Variants in STXBP5L observed in about 807,000 individuals in gnomAD.
STXBP5L encodes syntaxin-binding protein 5-like.
In STXBP5L, 65 loss-of-function variants were observed where a neutral mutation model predicts 144.5. The observed-to-expected ratio is 0.45, with a 90% CI of 0.37 to 0.55. The LOEUF (loss-of-function observed/expected upper bound fraction) is 0.55, where lower values mean the gene tolerates loss of function less well. Ranked by LOEUF, STXBP5L falls within the 20% of genes least tolerant of loss-of-function variation. The pLI, the probability that STXBP5L is intolerant of heterozygous loss-of-function variation, is 0.00. For missense variants in STXBP5L, 1,298 were observed against 1,405.5 expected (o/e 0.92, Z 1.22); for synonymous variants, 505 against 469.6 (o/e 1.08, Z -0.97).
At chr3:120,925,957 C>G (rs1709602417) in intron 2 of STXBP5L, among the ~76,000 whole-genome samples, 1 of 152,110 alleles carries the variant, frequency 6.6e-6, no homozygotes, top group Non-Finnish European at 1.5e-5. Flanking sequence ...TATACTTTAA[C>G]TCCCTCTTCC....
intron 3 of STXBP5L, among the ~76,000 whole-genome samples, chr3:120,994,267 G>T: frequency 6.6e-6 from 1 of 151,846 alleles, no homozygotes; most frequent in East Asian, 1.9e-4. Flanking sequence ...TTCTAATTTG[G>T]ATGCCTTTTA....
At chr3:121,402,260 G>A (rs914389070) in intron 22 of STXBP5L, among the ~76,000 whole-genome samples, 1 of 152,156 alleles carries the variant, frequency 6.6e-6, no homozygotes, top group Non-Finnish European at 1.5e-5. Context: ...CGAAGTTTCT[G>A]TCCTCAAAGA....
chr3:121,307,017 C>A (rs938823050), intron 19 of STXBP5L, among the ~76,000 whole-genome samples: 12 of 152,114 alleles, frequency 7.9e-5, no homozygotes, highest in Non-Finnish European at 5.9e-5. Flanking sequence ...TAAAGAGAAT[C>A]CTGCTAAAAT....
intron 5 of STXBP5L, among the ~76,000 whole-genome samples, chr3:121,077,490 T>G (rs1466947221): frequency 6.6e-6 from 1 of 152,134 alleles, no homozygotes; most frequent in Non-Finnish European, 1.5e-5. Flanking sequence ...GTGTTACAGC[T>G]CATAAAGGCA....
chr3:121,050,955 CTT>C (rs1947930879), intron 5 of STXBP5L, among the ~76,000 whole-genome samples: 2 of 152,106 alleles, frequency 1.3e-5, no homozygotes, highest in Non-Finnish European at 2.9e-5. Context: ...ATAAAACAGA[CTT>C]TAAACCAACA....
At chr3:121,382,478 C>T (rs938023287) in intron 22 of STXBP5L, among the ~76,000 whole-genome samples, 3 of 151,956 alleles carry the variant, frequency 2.0e-5, no homozygotes, top group African/African-American at 7.2e-5. Context: ...AAGAAATATA[C>T]ACAATTCTTT....
At chr3:121,084,812 C>G (rs756831105) in intron 5 of STXBP5L, among the ~76,000 whole-genome samples, 1 of 152,180 alleles carries the variant, frequency 6.6e-6, no homozygotes, top group Non-Finnish European at 1.5e-5. Flanking sequence ...AATGGTTGAA[C>G]TAATTTACAT....
Position 121,299,911 on chromosome 3 carries a change from C to G in STXBP5L, c.2111-18564C>G, listed in dbSNP as rs546183457. Among the ~76,000 whole-genome samples the G allele has an allele frequency of 4.2e-5, 6 of 143,846 alleles. No individual in the cohort carries two copies. In the East Asian group the frequency reaches 1.3e-3, roughly 30 times the overall value. The allele number at this position is 143,846 out of a possible 152,430, so 94.4% of individuals were successfully genotyped here. On this transcript the variant is annotated intron_variant, in intron 19 of 26. Transcript: ENST00000471454. ...TTGGAGGATTGCTTGAGCTGGGAGG[C>G]AGAGGTTGCAGTGAGCCATGATTGC... is the stretch of plus-strand genomic sequence containing the variant.
chr3:120,962,072 C>A (rs1576497913), intron 3 of STXBP5L, among the ~76,000 whole-genome samples: 1 of 152,136 alleles, frequency 6.6e-6, no homozygotes, highest in African/African-American at 2.4e-5. Flanking sequence ...TAAATGTCTT[C>A]TTTTGAGAAG....
chr3:121,353,094 T>C (rs1179557676), intron 20 of STXBP5L, among the ~76,000 whole-genome samples: 1 of 152,248 alleles, frequency 6.6e-6, no homozygotes, highest in South Asian at 2.1e-4. Context: ...CAGTATTTTA[T>C]TGAGGATTTT....
chr3:121,299,270 T>G (rs574509321), intron 19 of STXBP5L, among the ~76,000 whole-genome samples: 1 of 152,284 alleles, frequency 6.6e-6, no homozygotes, highest in African/African-American at 2.4e-5. Flanking sequence ...TAGAAATAAT[T>G]AAGCTGGTGA....
intron 7 of STXBP5L, among the ~76,000 whole-genome samples, chr3:121,136,478 C>A (rs1397900389): frequency 6.6e-6 from 1 of 152,202 alleles, no homozygotes; most frequent in Admixed American, 6.5e-5. Context: ...AGTTGCAGTG[C>A]TTAATATCAC....
At chr3:121,339,810 T>C (rs1272076436) in intron 20 of STXBP5L, among the ~76,000 whole-genome samples, 2 of 142,624 alleles carry the variant, frequency 1.4e-5, no homozygotes, top group African/African-American at 2.7e-5. Flanking sequence ...CCTTATATAA[T>C]AGCTGAAAAA....
intron 9 of STXBP5L, among the ~76,000 whole-genome samples, chr3:121,203,531 TA>T (rs2048219864): frequency 1.3e-5 from 2 of 152,190 alleles, no homozygotes; most frequent in African/African-American, 4.8e-5. Context: ...GTAAGAAATA[TA>T]ATTGTCGATA....
rs1240186396 is a variant in STXBP5L, at chr3:121,419,848, C to A, written c.*751C>A. ...TCAGAATGGGTTGCTGTTTTTAGCA[C>A]AAACCATGCAGGGTTGGGTCACCTC... On this transcript the variant is annotated 3_prime_UTR_variant, in exon 27 of 27. Coordinates refer to ENST00000471454, the MANE Select transcript of STXBP5L (RefSeq NM_001308330.2). The A allele has an allele frequency of 6.6e-6, 1 of 152,182 alleles. No homozygotes were observed. The highest frequency in any genetic ancestry group is 1.9e-4 in the East Asian group (1 of 5,198). The allele number at this position is 152,182 out of a possible 1,614,324, so 9.4% of individuals were successfully genotyped here. A position where few individuals can be genotyped will look rare whatever the true frequency, so the allele number is the denominator to read the frequency against.
intron 14 of STXBP5L, among the ~76,000 whole-genome samples, chr3:121,241,097 A>C (rs1386380394): frequency 6.6e-6 from 1 of 152,302 alleles, no homozygotes; most frequent in Admixed American, 6.5e-5. Flanking sequence ...GACAAACATA[A>C]GATGACTGGG....
At position 120,988,329 on chromosome 3, in the gene STXBP5L, A is replaced by G. The variant is rs569811802; in HGVS notation, c.287+33292A>G. ...TTTCATTTAGTTATATTTATTTTTC[A>G]AAATTTCCTTTCAGACTTCTTCTTT... is the stretch of plus-strand genomic sequence containing the variant. On this transcript the variant is annotated intron_variant, in intron 3 of 26. Transcript: ENST00000471454. Among the ~76,000 whole-genome samples, 3 of 151,902 alleles carry G rather than the reference A, an allele frequency of 2.0e-5. No homozygotes were observed. In the East Asian group the frequency reaches 5.8e-4, roughly 29 times the overall value.
intron 7 of STXBP5L, among the ~76,000 whole-genome samples, chr3:121,138,003 G>A (rs2045340409): frequency 6.6e-6 from 1 of 151,980 alleles, no homozygotes; most frequent in South Asian, 2.1e-4. Context: ...CCTTTTTGCT[G>A]ATGACATGAT....
At chr3:121,185,555 G>A (rs979693926) in intron 9 of STXBP5L, among the ~76,000 whole-genome samples, 1 of 152,072 alleles carries the variant, frequency 6.6e-6, no homozygotes, top group Non-Finnish European at 1.5e-5. Context: ...TGAATAGGGA[G>A]TCCTTTCTCC....
Sources: allele counts gnomAD v4.1 joint callset (sites outside exome capture counted in the v4.1 genomes callset), GRCh38; gene constraint gnomAD v4.1.1; transcripts MANE v1.5; gene names NCBI Gene and HGNC (gene_info 2026-07-23, HGNC 2026-07-21).